The following KCNIP1 variants were observed in gnomAD, a reference collection of about 807,000 sequenced individuals.
KCNIP1 encodes potassium voltage-gated channel interacting protein 1.
In KCNIP1, 18 loss-of-function variants were observed where a neutral mutation model predicts 33.0. The ratio of observed to expected loss-of-function variants is 0.55; its 90% confidence interval spans 0.38 to 0.81. KCNIP1 has a LOEUF of 0.81. KCNIP1 is among the 30% of genes least tolerant of loss of function. The pLI is 0.00. For missense variants in KCNIP1, 238 were observed against 271.6 expected, an observed-to-expected ratio of 0.88 and a Z score of 0.87; for synonymous variants, 93 against 98.3, an observed-to-expected ratio of 0.95 and a Z score of 0.32.
intron 1 of KCNIP1, among the ~76,000 whole-genome samples, chr5:170,602,540 G>T (rs1033179500): frequency 6.6e-6 from 1 of 152,238 alleles, no homozygotes; most frequent in African/African-American, 2.4e-5. Context: ...TTTTAAGATG[G>T]TTGACAGAAC....
chr5:170,478,267 T>A (rs1467315174), intron 1 of KCNIP1, among the ~76,000 whole-genome samples: 1 of 152,254 alleles, frequency 6.6e-6, no homozygotes, highest in Non-Finnish European at 1.5e-5. Context: ...CTTGTTTAGT[T>A]ATTACATGAT....
intron 1 of KCNIP1, among the ~76,000 whole-genome samples, chr5:170,690,817 G>T (rs548509789): frequency 2.0e-5 from 3 of 152,298 alleles, no homozygotes; most frequent in African/African-American, 7.2e-5. Flanking sequence ...ATTTGAGGGA[G>T]GAAAACTACA....
At chr5:170,659,797 G>A (rs752097848) in intron 1 of KCNIP1, among the ~76,000 whole-genome samples, 8 of 152,272 alleles carry the variant, frequency 5.3e-5, no homozygotes, top group South Asian at 2.1e-4. Flanking sequence ...ATTATTAGGC[G>A]GGTGCAAAAG....
intron 1 of KCNIP1, among the ~76,000 whole-genome samples, chr5:170,388,953 C>T (rs1764596552): frequency 6.6e-6 from 1 of 152,152 alleles, no homozygotes; most frequent in African/African-American, 2.4e-5. Flanking sequence ...CTATTTTTGT[C>T]CCACCTCTCT....
chr5:170,507,025 C>T (rs1002175996), intron 1 of KCNIP1, among the ~76,000 whole-genome samples: 4 of 152,212 alleles, frequency 2.6e-5, no homozygotes, highest in African/African-American at 9.6e-5. Flanking sequence ...CCACTGGGGC[C>T]TCGGTTTCTT....
chr5:170,422,483 AG>A (rs1179265608), intron 1 of KCNIP1: 1 of 152,268 alleles, frequency 6.6e-6, no homozygotes, highest in Non-Finnish European at 1.5e-5. Context: ...GCATGAGCCC[AG>A]GGGCAAGAAG....
chr5:170,521,276 A>C (rs1237724932), intron 1 of KCNIP1, among the ~76,000 whole-genome samples: 13 of 152,236 alleles, frequency 8.5e-5, no homozygotes, highest in African/African-American at 3.1e-4. Context: ...TGCTTCAAGC[A>C]GTCACTACCA....
rs77157608 is a variant in KCNIP1, at chr5:170,430,551, C to T, written c.88+76587C>T. Among the ~76,000 whole-genome samples the T allele has an allele frequency of 3.0e-3, 450 of 152,306 alleles. 4 individuals are homozygous for T. The highest frequency in any genetic ancestry group is 0.01 in the African/African-American group (435 of 41,574). ...CTACTTCCTTGGCTCCTATCATACC[C>T]GGTATGGCTAGTGTAGCACTTAACA... On this transcript the variant is annotated intron_variant, in intron 1 of 7. Transcript: ENST00000377360.
chr5:170,613,910 G>A (rs1014371464), intron 1 of KCNIP1, among the ~76,000 whole-genome samples: 3 of 152,158 alleles, frequency 2.0e-5, no homozygotes, highest in Admixed American at 6.5e-5. Flanking sequence ...GCCCTGGAGA[G>A]GGAACAAGCA....
chr5:170,496,668 G>A (rs1757316539), intron 1 of KCNIP1, among the ~76,000 whole-genome samples: 1 of 152,138 alleles, frequency 6.6e-6, no homozygotes, highest in Admixed American at 6.5e-5. Flanking sequence ...ATTTACCCAA[G>A]GAGATTATGG....
chr5:170,652,083 G>A (rs1761064887), intron 1 of KCNIP1, among the ~76,000 whole-genome samples: 1 of 152,174 alleles, frequency 6.6e-6, no homozygotes, highest in African/African-American at 2.4e-5. Context: ...GCTGGCTGTG[G>A]GGGAGGGGGA....
intron 1 of KCNIP1, among the ~76,000 whole-genome samples, chr5:170,708,576 C>T (rs977981312): frequency 3.9e-5 from 6 of 152,134 alleles, no homozygotes; most frequent in Non-Finnish European, 7.4e-5. Context: ...ATTTAATTAC[C>T]ATGAGGTTGC....
At chr5:170,465,984 G>A (rs139720926) in intron 1 of KCNIP1, among the ~76,000 whole-genome samples, 220 of 152,296 alleles carry the variant, frequency 1.4e-3, no homozygotes, top group Middle Eastern at 3.4e-3. Context: ...AATGTGGTTT[G>A]GAAGACAAGT....
chr5:170,406,451 C>T (rs1379000129), intron 1 of KCNIP1, among the ~76,000 whole-genome samples: 1 of 152,202 alleles, frequency 6.6e-6, no homozygotes, highest in Non-Finnish European at 1.5e-5. Context: ...TTTTCCATCT[C>T]TAAAATGGAC....
chr5:170,373,297 G>C (rs1254472640), intron 1 of KCNIP1, among the ~76,000 whole-genome samples: 1 of 152,204 alleles, frequency 6.6e-6, no homozygotes, highest in Non-Finnish European at 1.5e-5. Context: ...CTGGCCCCCA[G>C]TGGGAATCTG....
intron 1 of KCNIP1, among the ~76,000 whole-genome samples, chr5:170,587,220 A>C (rs527710917): frequency 3.3e-5 from 5 of 152,074 alleles, no homozygotes; most frequent in Non-Finnish European, 7.4e-5. Context: ...TCAGGAGTTC[A>C]AGACTAGCCT....
At chr5:170,364,759 G>T (rs138725834) in intron 1 of KCNIP1, among the ~76,000 whole-genome samples, 258 of 152,328 alleles carry the variant, frequency 1.7e-3, no homozygotes, top group African/African-American at 5.9e-3. Flanking sequence ...TTTGCTTGGT[G>T]ATTTTAAATG....
At chr5:170,478,031 T>C (rs1243775694) in intron 1 of KCNIP1, among the ~76,000 whole-genome samples, 2 of 152,104 alleles carry the variant, frequency 1.3e-5, no homozygotes, top group East Asian at 1.9e-4. Context: ...AGAAGCCTCA[T>C]TGAAGGATCT....
chr5:170,619,562 C>G (rs1303155466), intron 1 of KCNIP1, among the ~76,000 whole-genome samples: 3 of 152,124 alleles, frequency 2.0e-5, no homozygotes, highest in African/African-American at 7.2e-5. Flanking sequence ...AAATGAGACC[C>G]ATCAAAGAAG....
Sources: allele counts gnomAD v4.1 joint callset (sites outside exome capture counted in the v4.1 genomes callset), GRCh38; gene constraint gnomAD v4.1.1; transcripts MANE v1.5; gene names NCBI Gene and HGNC (gene_info 2026-07-23, HGNC 2026-07-21).